The following CATSPERB variants were observed in gnomAD, a reference collection of about 807,000 sequenced individuals.
CATSPERB encodes catsper channel auxiliary subunit beta, also known as cation channel sperm-associated auxiliary subunit beta.
A neutral mutation model predicts 128.3 loss-of-function variants in CATSPERB; 93 were observed. The ratio of observed to expected loss-of-function variants is 0.72; its 90% CI spans 0.61 to 0.86. The LOEUF is 0.86. Ranked by LOEUF, CATSPERB falls within the 40% of genes least tolerant of loss-of-function variation. CATSPERB has a pLI of 0.00. For missense variants in CATSPERB, 1,153 were observed against 1,329.5 expected, an observed-to-expected ratio of 0.87 and a Z score of 2.06; for synonymous variants, 381 against 448.8, an observed-to-expected ratio of 0.85 and a Z score of 1.91.
intron 6 of CATSPERB, among the ~76,000 whole-genome samples, chr14:91,705,650 A>G (rs1895721003): frequency 6.6e-6 from 1 of 152,128 alleles, no homozygotes; most frequent in Non-Finnish European, 1.5e-5. Flanking sequence ...TTTTTCTCAC[A>G]ACCCTATTTT....
intron 10 of CATSPERB, among the ~76,000 whole-genome samples, chr14:91,688,262 G>A (rs1381981114): frequency 1.3e-5 from 2 of 152,214 alleles, no homozygotes; most frequent in Non-Finnish European, 2.9e-5. Flanking sequence ...GTAGACGGTA[G>A]ATGTTGATTT....
chr14:91,608,591 A>G (rs145756595), intron 21 of CATSPERB, among the ~76,000 whole-genome samples, 187 bp from the exon 22 acceptor site: 264 of 151,756 alleles, frequency 1.7e-3, no homozygotes, highest in African/African-American at 6.2e-3. Context: ...TTAACCAATG[A>G]TAATATAACT....
chr14:91,621,259 C>T (rs866332881), intron 19 of CATSPERB, among the ~76,000 whole-genome samples: 8 of 151,930 alleles, frequency 5.3e-5, no homozygotes, highest in African/African-American at 7.3e-5. Flanking sequence ...AAAAACTAGC[C>T]GGGAGTGGTG....
intron 5 of CATSPERB, chr14:91,710,686 CAG>C (rs1895823538): frequency 6.6e-6 from 1 of 152,216 alleles, no homozygotes; most frequent in Admixed American, 6.5e-5. Context: ...GTAAGTCAAT[CAG>C]AGAGAACGCC....
At chr14:91,681,863 A>T (rs1194721593) in intron 11 of CATSPERB, among the ~76,000 whole-genome samples, 1 of 152,234 alleles carries the variant, frequency 6.6e-6, no homozygotes, top group African/African-American at 2.4e-5. Flanking sequence ...CTCATCCTCA[A>T]CCTGATACCT....
At position 91,725,119 on chromosome 14, in the gene CATSPERB, C is replaced by G. The variant is rs760322764; in HGVS notation, c.129G>C (p.Glu43Asp). ...AAAGATACAACTTGATTATTTCATT[C>G]TCTTGAGGGAACCCTTTGTTAGAAC... is the stretch of plus-strand genomic sequence containing the variant. ...FACSNKGFPQ[E>D]NEIIKLYLFL... is the part of the protein sequence containing the mutation. The change falls in exon 3 of 27, where the codon GAG becomes GAC. Residue 43 changes from glutamate (E) to aspartate (D), a missense_variant. By Grantham distance (45) the Glu-to-Asp change is conservative. Transcript: ENST00000256343. The G allele has an allele frequency of 6.3e-6, 10 of 1,582,410 alleles. No individual in the cohort carries two copies. The highest frequency in any genetic ancestry group is 8.6e-6 in the Non-Finnish European group (10 of 1,166,078).
chr14:91,581,872 CT>C (rs146140922), intron 26 of CATSPERB, among the ~76,000 whole-genome samples: 2,118 of 152,210 alleles, frequency 0.014, 22 homozygotes, highest in Non-Finnish European at 0.02. Context: ...GAAGAACGTG[CT>C]GATGAATGGA....
chr14:91,621,494 T>C, intron 19 of CATSPERB, 114 bp downstream of exon 19: 1 of 791,810 alleles, frequency 1.3e-6, no homozygotes, highest in Non-Finnish European at 2.0e-6. Flanking sequence ...AGTAGTAGAA[T>C]GCCAACAAGT....
chr14:91,671,618 A>AC (rs902375752), intron 13 of CATSPERB, among the ~76,000 whole-genome samples: 17 of 150,756 alleles, frequency 1.1e-4, no homozygotes, highest in Middle Eastern at 6.9e-3. Context: ...CCAACCAACA[A>AC]AAAAAAATCG....
chr14:91,622,343 T>C (rs1005836595), intron 18 of CATSPERB, among the ~76,000 whole-genome samples: 5 of 152,142 alleles, frequency 3.3e-5, no homozygotes, highest in African/African-American at 4.8e-5. Context: ...AGATACTCAA[T>C]AAATATTTGT....
chr14:91,726,483 G>A (rs988226161), intron 2 of CATSPERB, among the ~76,000 whole-genome samples: 2 of 152,182 alleles, frequency 1.3e-5, no homozygotes, highest in Non-Finnish European at 2.9e-5. Context: ...AAATTTACTG[G>A]GGCAAAAGAT....
At chr14:91,610,370 G>T in intron 21 of CATSPERB, 110 bp downstream of exon 21, 1 of 743,118 alleles carries the variant, frequency 1.3e-6, no homozygotes, top group Non-Finnish European at 2.2e-6. Context: ...TAACTGTGAA[G>T]TGTTTTGAGC....
At chr14:91,673,697 A>T (rs1895139956) in intron 12 of CATSPERB, among the ~76,000 whole-genome samples, 1 of 152,182 alleles carries the variant, frequency 6.6e-6, no homozygotes, top group Non-Finnish European at 1.5e-5. Flanking sequence ...ATCCTGGCCA[A>T]CATGGTGAAA....
intron 17 of CATSPERB, among the ~76,000 whole-genome samples, chr14:91,628,348 A>T (rs1743136): frequency 0.91 from 139,156 of 152,258 alleles, 63,618 homozygotes; most frequent in East Asian, 0.97. Context: ...AACCTGATTT[A>T]AAAAATGGGC....
chr14:91,613,066 A>G (rs1273190262), intron 20 of CATSPERB, among the ~76,000 whole-genome samples: 1 of 152,194 alleles, frequency 6.6e-6, no homozygotes, highest in Non-Finnish European at 1.5e-5. Context: ...TACATTTTAT[A>G]CAATATTAAA....
At chr14:91,712,450 T>C (rs1391292643) in intron 5 of CATSPERB, among the ~76,000 whole-genome samples, 5 of 152,158 alleles carry the variant, frequency 3.3e-5, no homozygotes, top group Non-Finnish European at 5.9e-5. Context: ...AATCAGTAAG[T>C]AATGGTAGTC....
At chr14:91,727,186 G>T (rs767235000) in intron 2 of CATSPERB, among the ~76,000 whole-genome samples, 9 of 152,196 alleles carry the variant, frequency 5.9e-5, no homozygotes, top group Non-Finnish European at 1.3e-4. Flanking sequence ...AGTATATTTT[G>T]TATGCTAAGT....
chr14:91,675,216 G>A (rs1333621079), intron 11 of CATSPERB, among the ~76,000 whole-genome samples: 1 of 152,216 alleles, frequency 6.6e-6, no homozygotes, highest in African/African-American at 2.4e-5. Context: ...CTACTGGATG[G>A]GACAAGAGTT....
chr14:91,704,329 T>TAAAGTCACAATTAACATGGCAA (rs942658956), intron 7 of CATSPERB, among the ~76,000 whole-genome samples: 1 of 152,116 alleles, frequency 6.6e-6, no homozygotes, highest in Non-Finnish European at 1.5e-5. Context: ...GGAGACACAC[T>TAAAGTCACAATTAACATGGCAA]AAAGTCACAA....
Sources: gnomAD v4.1 joint callset for allele counts (sites outside exome capture counted in the v4.1 genomes callset) on GRCh38, gnomAD v4.1.1 for gene constraint, MANE v1.5 for transcripts, NCBI Gene and HGNC (gene_info 2026-07-23, HGNC 2026-07-21) for gene names.